Variants in CCR5AS observed in about 807,000 individuals in gnomAD.
The protein encoded by CCR5AS is CCR5 antisense RNA.
intron 2 of CCR5AS, among the ~76,000 whole-genome samples, chr3:46,383,602 C>T (rs1213828128): frequency 6.6e-6 from 1 of 152,218 alleles, no homozygotes; most frequent in Non-Finnish European, 1.5e-5. Flanking sequence ...AACCCCACCG[C>T]CACTCTCCTA....
chr3:46,371,262 G>A (rs144255721), exon 3 of CCR5AS: 1 of 152,272 alleles, frequency 6.6e-6, no homozygotes, highest in African/African-American at 2.4e-5. Flanking sequence ...AGAAAGATTT[G>A]CAGAGAGATG....
intron 2 of CCR5AS, among the ~76,000 whole-genome samples, chr3:46,371,860 C>T (rs1270977323): frequency 6.6e-6 from 1 of 152,204 alleles, no homozygotes; most frequent in African/African-American, 2.4e-5. Context: ...CTTGGGCACC[C>T]GGCCATTTCA....
chr3:46,368,097 A>T (rs1701617524), intron 3 of CCR5AS, among the ~76,000 whole-genome samples: 1 of 152,096 alleles, frequency 6.6e-6, no homozygotes, highest in Admixed American at 6.5e-5. Context: ...TATGGTCCAG[A>T]AATGGTGTGA....
At chr3:46,383,696 G>C (rs1230145937) in intron 2 of CCR5AS, among the ~76,000 whole-genome samples, 4 of 152,068 alleles carry the variant, frequency 2.6e-5, no homozygotes, top group South Asian at 2.1e-4. Context: ...GAGGAAACTG[G>C]GCAGAGCTTC....
intron 1 of CCR5AS, among the ~76,000 whole-genome samples, chr3:46,397,119 T>C (rs1262605130): frequency 6.6e-6 from 1 of 152,128 alleles, no homozygotes; most frequent in Admixed American, 6.5e-5. Flanking sequence ...CCATGCGCCC[T>C]TGACTGAGGT....
At chr3:46,370,958 A>ACATC (rs1701653040) in intron 3 of CCR5AS, 1 of 152,220 alleles carries the variant, frequency 6.6e-6, no homozygotes, top group African/African-American at 2.4e-5. Context: ...AAGAGCTGAG[A>ACATC]CATCCGTTCC....
intron 2 of CCR5AS, among the ~76,000 whole-genome samples, chr3:46,381,909 T>G (rs943466752): frequency 6.6e-5 from 10 of 152,198 alleles, no homozygotes; most frequent in Admixed American, 2.0e-4. Flanking sequence ...GGATTTCCAG[T>G]AGTAATTTGG....
At chr3:46,389,035 ATAGGAG>A (rs1701885233) in intron 2 of CCR5AS, among the ~76,000 whole-genome samples, 1 of 152,182 alleles carries the variant, frequency 6.6e-6, no homozygotes, top group Non-Finnish European at 1.5e-5. Flanking sequence ...AGAATGGTGA[ATAGGAG>A]TATGACTAGA....
intron 3 of CCR5AS, among the ~76,000 whole-genome samples, chr3:46,370,518 A>G (rs1182090647): frequency 2.6e-5 from 4 of 152,066 alleles, no homozygotes. Context: ...ATTAATAGCA[A>G]CTCTTAAGAT....
intron 1 of CCR5AS, among the ~76,000 whole-genome samples, chr3:46,405,686 C>T (rs993442822): frequency 6.6e-6 from 1 of 152,144 alleles, no homozygotes; most frequent in African/African-American, 2.4e-5. Context: ...GCACTTACAG[C>T]TTAGGTTCCC....
chr3:46,372,063 T>A (rs1701668783), intron 2 of CCR5AS, among the ~76,000 whole-genome samples: 1 of 152,172 alleles, frequency 6.6e-6, no homozygotes, highest in African/African-American at 2.4e-5. Context: ...CTGCAAAATG[T>A]GAAAAATATT....
chr3:46,364,975 T>G lies in CCR5AS; in HGVS notation n.636A>C, dbSNP rs1318363009. The G allele has an allele frequency of 2.0e-5, 3 of 152,844 alleles. No individual in the cohort carries two copies. In the East Asian group the frequency reaches 5.7e-4, roughly 29 times the overall value. 9.5% of individuals were successfully genotyped at this position (152,844 alleles called of 1,614,324 possible). ...ACTCTCATGATCAAACTTGAACAGA[T>G]GAAGAGTTGCTTCTTACATATGAGC... On this transcript the variant is annotated non_coding_transcript_exon_variant, in exon 4 of 4. Transcript: ENST00000451485.
chr3:46,389,684 G>A (rs1329661344), intron 2 of CCR5AS, among the ~76,000 whole-genome samples: 3 of 152,172 alleles, frequency 2.0e-5, no homozygotes. Context: ...GTGAAAGGAA[G>A]AATGGGGAAA....
At chr3:46,405,102 G>A (rs926462620) in intron 1 of CCR5AS, among the ~76,000 whole-genome samples, 2 of 152,148 alleles carry the variant, frequency 1.3e-5, no homozygotes, top group African/African-American at 4.8e-5. Context: ...CTTTCCTTTC[G>A]CCTCAACTGC....
chr3:46,390,558 T>A (rs1185185038), intron 2 of CCR5AS, among the ~76,000 whole-genome samples: 1 of 151,992 alleles, frequency 6.6e-6, no homozygotes, highest in Non-Finnish European at 1.5e-5. Context: ...AATGGGATGA[T>A]AAGGGGTGCA....
chr3:46,371,898 C>G (rs1047015315), intron 2 of CCR5AS, among the ~76,000 whole-genome samples: 1 of 152,178 alleles, frequency 6.6e-6, no homozygotes, highest in Non-Finnish European at 1.5e-5. Context: ...CACCAAACAT[C>G]TGATGGTCTT....
chr3:46,378,518 A>C (rs1421302260), intron 2 of CCR5AS, among the ~76,000 whole-genome samples: 1 of 152,074 alleles, frequency 6.6e-6, no homozygotes, highest in Non-Finnish European at 1.5e-5. Flanking sequence ...CAAGCTAGGA[A>C]GCCATGGCAA....
chr3:46,404,137 T>C (rs1247651564), intron 1 of CCR5AS, among the ~76,000 whole-genome samples: 1 of 152,186 alleles, frequency 6.6e-6, no homozygotes, highest in East Asian at 1.9e-4. Flanking sequence ...AAGAAGAATA[T>C]GTCTGCGTCT....
At chr3:46,402,361 C>G (rs1702011880) in intron 1 of CCR5AS, among the ~76,000 whole-genome samples, 1 of 152,134 alleles carries the variant, frequency 6.6e-6, no homozygotes, top group Non-Finnish European at 1.5e-5. Context: ...GTCTCCGAAG[C>G]CTTAAAATTA....
Sources: gnomAD v4.1 joint callset for allele counts (sites outside exome capture counted in the v4.1 genomes callset) on GRCh38, gnomAD v4.1.1 for gene constraint, MANE v1.5 for transcripts, NCBI Gene and HGNC (gene_info 2026-07-23, HGNC 2026-07-21) for gene names.